VIT: variants seen among roughly 807,000 people sequenced by gnomAD.
The protein encoded by VIT is vitrin.
A neutral mutation model predicts 78.0 loss-of-function variants in VIT; 99 were observed. The ratio of observed to expected loss-of-function variants is 1.27; its 90% confidence interval spans 1.08 to 1.50. The LOEUF (loss-of-function observed/expected upper bound fraction) is 1.50. Among genes scored for constraint, VIT ranks in the 40% most tolerant of loss-of-function variants. The pLI is 0.00. For synonymous variants in VIT, 374 were observed against 334.3 expected (o/e 1.12, Z -1.29); for missense variants, 1,126 against 875.3 (o/e 1.29, Z -3.61).
chr2:36,766,151 G>C (rs1025498947), intron 6 of VIT, among the ~76,000 whole-genome samples: 1 of 152,206 alleles, frequency 6.6e-6, no homozygotes, highest in Non-Finnish European at 1.5e-5. Context: ...ACTGAGACTT[G>C]CTTTATAGGG....
intron 7 of VIT, among the ~76,000 whole-genome samples, chr2:36,772,654 C>A (rs537014672): frequency 6.6e-6 from 1 of 152,350 alleles, no homozygotes; most frequent in African/African-American, 2.4e-5. Flanking sequence ...CTGCAGTGAG[C>A]TATGATCACA....
chr2:36,710,984 T>C (rs1423523571), intron 1 of VIT, among the ~76,000 whole-genome samples: 11 of 152,234 alleles, frequency 7.2e-5, no homozygotes, highest in Non-Finnish European at 7.3e-5. Flanking sequence ...TTTGAGATAC[T>C]ACCAAACTGT....
At chr2:36,777,905 G>C (rs957619328) in intron 9 of VIT, among the ~76,000 whole-genome samples, 5 of 152,020 alleles carry the variant, frequency 3.3e-5, no homozygotes, top group Admixed American at 3.3e-4. Context: ...CCTGCGATCC[G>C]CACTAAACAC....
In VIT at chr2:36,787,260, G is replaced by A; in HGVS notation, c.1042G>A (p.Gly348Ser). 1 of 1,614,144 alleles carries A rather than the reference G, an allele frequency of 6.2e-7. No individual in the cohort carries two copies. The change falls in exon 12 of 16, where the codon GGT becomes AGT. Residue 348 changes from glycine (G) to serine (S), a missense_variant. Gly to Ser is a moderately conservative substitution (Grantham distance 56, BLOSUM62 0). Transcript: ENST00000379242. ...LDIGPAGPLM[G>S]VVQYGDNPAT... ...CATTGGCCCTGCCGGTCCACTGATGGGTGTTGTCCAGTATGGGTAAGTGCA... is the reference window on the plus strand; with the variant it reads ...CATTGGCCCTGCCGGTCCACTGATGAGTGTTGTCCAGTATGGGTAAGTGCA...
chr2:36,709,311 G>T (rs1386839052), intron 1 of VIT, among the ~76,000 whole-genome samples: 1 of 152,130 alleles, frequency 6.6e-6, no homozygotes, highest in Non-Finnish European at 1.5e-5. Flanking sequence ...TCCTAGCCTT[G>T]GAAAGTCCGT....
chr2:36,790,575 T>C (rs1202815226), intron 12 of VIT, among the ~76,000 whole-genome samples: 1 of 152,210 alleles, frequency 6.6e-6, no homozygotes, highest in African/African-American at 2.4e-5. Flanking sequence ...CCTCCAGGAA[T>C]AGAGGCAGCT....
intron 2 of VIT, among the ~76,000 whole-genome samples, chr2:36,717,794 G>T (rs1573138647): frequency 6.6e-6 from 1 of 152,264 alleles, no homozygotes; most frequent in Non-Finnish European, 1.5e-5. Context: ...CAGGGCTGCT[G>T]TAACAAAACA....
chr2:36,723,285 T>G (rs1666627887), intron 2 of VIT, among the ~76,000 whole-genome samples: 1 of 152,196 alleles, frequency 6.6e-6, no homozygotes, highest in Non-Finnish European at 1.5e-5. Flanking sequence ...GAGCATTTTT[T>G]TACATAAATC....
intron 1 of VIT, among the ~76,000 whole-genome samples, chr2:36,713,129 T>C (rs935353075): frequency 6.6e-6 from 1 of 152,096 alleles, no homozygotes; most frequent in Non-Finnish European, 1.5e-5. Flanking sequence ...AGGGATAGGG[T>C]ATATTCATTG....
chr2:36,787,168 C>T lies in VIT; in HGVS notation c.950C>T (p.Thr317Ile). ...TTGTCGTTTTTAATTGATGGGAGCA[C>T]CAGCATTGGCAAACGGCGATTCCGA... ...IDLSFLIDGS[T>I]SIGKRRFRIQ... The change falls in exon 12 of 16, where the codon ACC (threonine) becomes ATC (isoleucine). Residue 317 changes from threonine to isoleucine, a missense_variant. Physicochemically the swap from Thr to Ile is moderately conservative, Grantham distance 89. Transcript: ENST00000379242. 1 of 1,614,182 alleles carries T rather than the reference C, an allele frequency of 6.2e-7. No individual in the cohort carries two copies. Among genetic ancestry groups the T allele is most frequent in the Non-Finnish European group, 8.5e-7 (1 of 1,180,032 alleles).
intron 12 of VIT, 104 bp downstream of exon 12, chr2:36,787,380 T>C (rs1181597922): frequency 2.1e-6 from 3 of 1,420,976 alleles, no homozygotes; most frequent in East Asian, 4.9e-5. Context: ...AACATGTCCT[T>C]GAGCACAGAT....
intron 12 of VIT, among the ~76,000 whole-genome samples, chr2:36,789,678 G>A (rs542055216): frequency 3.3e-4 from 51 of 152,272 alleles, no homozygotes; most frequent in Admixed American, 5.2e-4. Context: ...AGGAAGTGGG[G>A]CATCCTGGTG....
intron 12 of VIT, among the ~76,000 whole-genome samples, chr2:36,792,619 C>T (rs1222683638): frequency 6.6e-6 from 1 of 152,200 alleles, no homozygotes; most frequent in Non-Finnish European, 1.5e-5. Context: ...CCAAACTTCA[C>T]ATCAGTTAAA....
chr2:36,700,576 T>C (rs902452881), intron 1 of VIT, among the ~76,000 whole-genome samples: 10 of 152,026 alleles, frequency 6.6e-5, no homozygotes, highest in African/African-American at 2.2e-4. Flanking sequence ...ACCTTGTCCC[T>C]ACTAAAAATT....
intron 12 of VIT, among the ~76,000 whole-genome samples, chr2:36,799,363 G>A (rs1444714618): frequency 6.6e-5 from 10 of 152,136 alleles, no homozygotes; most frequent in Non-Finnish European, 1.2e-4. Context: ...ACCTGAAACT[G>A]CCCACAACCG....
intron 7 of VIT, among the ~76,000 whole-genome samples, chr2:36,767,615 G>C (rs1424467331): frequency 6.6e-6 from 1 of 152,186 alleles, no homozygotes; most frequent in Non-Finnish European, 1.5e-5. Context: ...GTGACAAATG[G>C]TACAGACTTG....
chr2:36,722,067 G>A (rs1196615405), intron 2 of VIT, among the ~76,000 whole-genome samples: 1 of 152,156 alleles, frequency 6.6e-6, no homozygotes, highest in Admixed American at 6.5e-5. Context: ...TAAGGTATCG[G>A]AGCCATCCAA....
intron 10 of VIT, 40 bp downstream of exon 10, chr2:36,781,811 A>C (rs1386004615): frequency 1.9e-6 from 3 of 1,611,150 alleles, no homozygotes; most frequent in Non-Finnish European, 2.5e-6. Context: ...GCGTGGATCA[A>C]GATGCGCAGG....
rs369720803 is a variant in VIT at position 36,781,795 on chromosome 2, A to G, written c.847+24A>G. Reference sequence around the variant, plus strand: ...AGGTAATTATACAGCCCAACCTCTCAGCCACGCGTGGATCAAGATGCGCAG... The same window carrying G: ...AGGTAATTATACAGCCCAACCTCTCGGCCACGCGTGGATCAAGATGCGCAG... On this transcript the variant is annotated intron_variant, in intron 10 of 15. Transcript: ENST00000379242. 35 of 1,613,978 alleles carry G rather than the reference A, an allele frequency of 2.2e-5. No homozygotes were observed. The Middle Eastern group carries it at 9.9e-4, about 46-fold the overall frequency.
Sources: gnomAD v4.1 joint callset for allele counts (sites outside exome capture counted in the v4.1 genomes callset) on GRCh38, gnomAD v4.1.1 for gene constraint, MANE v1.5 for transcripts, NCBI Gene and HGNC (gene_info 2026-07-23, HGNC 2026-07-21) for gene names.